The following PRR23C variants were observed in gnomAD, a reference collection of about 807,000 sequenced individuals.
PRR23C encodes the protein proline rich 23C.
PRR23C carries 1 observed loss-of-function variant against 0.1 expected under a neutral mutation model. The observed-to-expected ratio is 6.80, with a 90% CI of 2.41 to 32.24. The LOEUF is 32.24. Among genes scored for constraint, PRR23C ranks in the 30% most tolerant of loss-of-function variants. The pLI, the probability that PRR23C is intolerant of heterozygous loss-of-function variation, is 0.11. For synonymous variants in PRR23C, 172 were observed against 168.1 expected, an observed-to-expected ratio of 1.02 and a Z score of -0.18; for missense variants, 361 against 370.4, an observed-to-expected ratio of 0.97 and a Z score of 0.21.
At position 139,044,275 on chromosome 3, in the gene PRR23C, C is replaced by T. The variant is rs780916994; in HGVS notation, c.346G>A (p.Gly116Ser). ...SSVDECSGAQ[G>S]DWSAGLEVDV... ...ACTTCCAGGCCGGCAGACCAGTCGC[C>T]CTGCGCTCCTGAGCATTCGTCGACG... is the stretch of plus-strand genomic sequence containing the variant. The change falls in exon 1 of 1, where the codon GGC becomes AGC. Residue 116 changes from glycine (G) to serine (S), a missense_variant. Coordinates refer to ENST00000413199, the MANE Select transcript of PRR23C (RefSeq NM_001134657.1). This position sits in a 1 kb window ranked among gnomAD's most constrained non-coding sequence, Gnocchi z 7.5. 20 of 1,608,712 alleles carry T rather than the reference C, an allele frequency of 1.2e-5. No individual in the cohort carries two copies. In the Middle Eastern group the frequency reaches 4.9e-4, roughly 40 times the overall value.
chr3:139,044,025 G>T lies in PRR23C; in HGVS notation c.596C>A (p.Ala199Asp), dbSNP rs1342397307. ...CTCTGAACTGGGGTTGGGGGCCAGA[G>T]CACAGGGCCCTCGGATGGGGCCCTC... ...YREGPIRGPCALAPNPSSERR... is the reference protein window; with the variant it reads ...YREGPIRGPCDLAPNPSSERR... The change falls in exon 1 of 1, where the codon GCT becomes GAT. Residue 199 changes from alanine to aspartate, a missense_variant. Physicochemically the swap from Ala to Asp is moderately radical, Grantham distance 126. Transcript: ENST00000413199. This position sits in a 1 kb window ranked among gnomAD's most constrained non-coding sequence, Gnocchi z 7.5. 5.6e-6 allele frequency: 9 copies of T among 1,613,388 alleles called. No individual in the cohort carries two copies. The highest frequency in any genetic ancestry group is 7.6e-6 in the Non-Finnish European group (9 of 1,179,692).
rs761790187 is a variant in PRR23C, at chr3:139,042,689, A to T, written c.*1143T>A. The T allele has an allele frequency of 2.7e-5, 4 of 149,696 alleles. No individual in the cohort carries two copies. Among genetic ancestry groups the T allele is most frequent in the Non-Finnish European group, 4.5e-5 (3 of 67,284 alleles). 9.3% of individuals were successfully genotyped at this position (149,696 alleles called of 1,614,324 possible). On this transcript the variant is annotated 3_prime_UTR_variant, in exon 1 of 1. Transcript: ENST00000413199. ...TTTTTATCAATCAATCAATCAATCA[A>T]TTGAGAATCTACACATACACCATTA... is the stretch of plus-strand genomic sequence containing the variant.
Position 139,043,761 on chromosome 3 carries a change from A to G in PRR23C, c.*71T>C. On this transcript the variant is annotated 3_prime_UTR_variant, in exon 1 of 1. Coordinates refer to ENST00000413199, the MANE Select transcript of PRR23C (RefSeq NM_001134657.1). ...CCGAGATCCTTGTAGGTTGCGCAACATACACACAACGGCTATCAGGAGACG... is the reference window on the plus strand; with the variant it reads ...CCGAGATCCTTGTAGGTTGCGCAACGTACACACAACGGCTATCAGGAGACG... 1 of 1,359,320 alleles carries G rather than the reference A, an allele frequency of 7.4e-7. No individual in the cohort carries two copies. Among genetic ancestry groups the G allele is most frequent in the Non-Finnish European group, 9.9e-7 (1 of 1,013,078 alleles). 84.2% of individuals were successfully genotyped at this position (1,359,320 alleles called of 1,614,324 possible). A position where few individuals can be genotyped will look rare whatever the true frequency, so the allele number is the denominator to read the frequency against.
chr3:139,044,749 C>T lies in PRR23C; in HGVS notation c.-129G>A, dbSNP rs1394853951. 3 of 1,095,308 alleles carry T rather than the reference C, an allele frequency of 2.7e-6. No individual in the cohort carries two copies. The Admixed American group carries it at 1.1e-4, about 42-fold the overall frequency. The allele number at this position is 1,095,308 out of a possible 1,614,324, so 67.8% of individuals were successfully genotyped here. A position where few individuals can be genotyped will look rare whatever the true frequency, so the allele number is the denominator to read the frequency against. On this transcript the variant is annotated 5_prime_UTR_variant, in exon 1 of 1. Coordinates refer to ENST00000413199, the MANE Select transcript of PRR23C (RefSeq NM_001134657.1). This position sits in a 1 kb window ranked among gnomAD's most constrained non-coding sequence, Gnocchi z 7.5. ...GACCGCGCGACGCGGGGCGAGTCCT[C>T]GGAGCTCTGGGGGCGCCTCCCGGAG...
At position 139,044,462 on chromosome 3, in the gene PRR23C, G is replaced by C; in HGVS notation, c.159C>G (p.Ala53=). 1 of 1,542,120 alleles carries C rather than the reference G, an allele frequency of 6.5e-7. No individual in the cohort carries two copies. The highest frequency in any genetic ancestry group is 8.7e-7 in the Non-Finnish European group (1 of 1,144,164). ...PSPEDPAGTP[A]VDALTSMVVL... ...CCACCATGGAGGTGAGCGCGTCCAC[G>C]GCCGGGGTCCCCGCCGGGTCTTCCG... is the stretch of plus-strand genomic sequence containing the variant. Residue 53 remains alanine, a synonymous_variant, in exon 1 of 1, where the codon GCC becomes GCG. Transcript: ENST00000413199. This position sits in a 1 kb window ranked among gnomAD's most constrained non-coding sequence, Gnocchi z 7.5.
Position 139,043,915 on chromosome 3 carries a change from A to T in PRR23C, c.706T>A (p.Ser236Thr), listed in dbSNP as rs532131318. Residue 236 changes from serine to threonine, a missense_variant, in exon 1 of 1, where the codon TCT (serine) becomes ACT (threonine). Physicochemically the swap from Ser to Thr is moderately conservative, Grantham distance 58. Transcript: ENST00000413199. The stretch of plus-strand genomic sequence containing the variant: ...CGCGCGTGGGGACCTGGACTCGGAG[A>T]GGGAGGTAGAGGTTGGAGAGGTGAG... ...PSSPLQPLPPSPSPGPHARPE... is the reference protein window; with the variant it reads ...PSSPLQPLPPTPSPGPHARPE... 6.3e-7 allele frequency: 1 copy of T among 1,597,088 alleles called. No homozygotes were observed. Among genetic ancestry groups the T allele is most frequent in the East Asian group, 2.3e-5 (1 of 43,816 alleles).
Position 139,044,764 on chromosome 3 carries a change from GC to G in PRR23C, c.-145del. 1 of 893,386 alleles carries G rather than the reference GC, an allele frequency of 1.1e-6. No individual in the cohort carries two copies. The highest frequency in any genetic ancestry group is 1.6e-6 in the Non-Finnish European group (1 of 643,990). 55.3% of individuals were successfully genotyped at this position (893,386 alleles called of 1,614,324 possible). On this transcript the variant is annotated 5_prime_UTR_variant, in exon 1 of 1. Transcript: ENST00000413199. This position sits in a 1 kb window ranked among gnomAD's most constrained non-coding sequence, Gnocchi z 7.5. ...GGCGAGTCCTCGGAGCTCTGGGGGC[GC>G]CTCCCGGAGATCGGAGTCGGTGCTG...
In PRR23C at chr3:139,044,721, C is replaced by T; in HGVS notation, c.-101G>A. 7.6e-7 allele frequency: 1 copy of T among 1,308,772 alleles called. No homozygotes were observed. The highest frequency in any genetic ancestry group is 1.0e-6 in the Non-Finnish European group (1 of 996,154). 81.1% of individuals were successfully genotyped at this position (1,308,772 alleles called of 1,614,324 possible). A position where few individuals can be genotyped will look rare whatever the true frequency, so the allele number is the denominator to read the frequency against. On this transcript the variant is annotated 5_prime_UTR_variant, in exon 1 of 1. Transcript: ENST00000413199. The surrounding 1 kb of genome is among the most constrained non-coding windows in gnomAD (Gnocchi z 7.5). ...TCCTCTTTGAGGTAACAGGTGTCGG[C>T]AGGACCGCGCGACGCGGGGCGAGTC...
rs193268191 is a variant in PRR23C at position 139,043,308 on chromosome 3, C to T, written c.*524G>A. ...CAAACAACAAACATTTGTCCAGGTA[C>T]AACTATGTGCAAGATCACCCAAAAG... is the stretch of plus-strand genomic sequence containing the variant. On this transcript the variant is annotated 3_prime_UTR_variant, in exon 1 of 1. Transcript: ENST00000413199. 6.5e-6 allele frequency: 1 copy of T among 153,392 alleles called. No individual in the cohort carries two copies. The highest frequency in any genetic ancestry group is 1.9e-4 in the East Asian group (1 of 5,180). The allele number at this position is 153,392 out of a possible 1,614,324, so 9.5% of individuals were successfully genotyped here.
rs1937164684 is a variant in PRR23C, at chr3:139,043,705, A to G, written c.*127T>C. On this transcript the variant is annotated 3_prime_UTR_variant, in exon 1 of 1. Transcript: ENST00000413199. The stretch of plus-strand genomic sequence containing the variant: ...TCCAGAATTCTGCAACGCAGCCTGT[A>G]TCAAAAAAGCATCTATCCGTTATCC... 1.2e-6 allele frequency: 1 copy of G among 866,222 alleles called. No individual in the cohort carries two copies. Among genetic ancestry groups the G allele is most frequent in the Non-Finnish European group, 1.7e-6 (1 of 587,146 alleles). The allele number at this position is 866,222 out of a possible 1,614,324, so 53.7% of individuals were successfully genotyped here. A position where few individuals can be genotyped will look rare whatever the true frequency, so the allele number is the denominator to read the frequency against.
rs1310643418 is a variant in PRR23C, at chr3:139,043,011, T to G, written c.*821A>C. The G allele has an allele frequency of 6.6e-6, 1 of 152,360 alleles. No homozygotes were observed. The allele number at this position is 152,360 out of a possible 1,614,324, so 9.4% of individuals were successfully genotyped here. On this transcript the variant is annotated 3_prime_UTR_variant, in exon 1 of 1. Transcript: ENST00000413199. ...TTGCAGTGAGCTGAGATTGTGCCAT[T>G]GCACTCCAGCCTAGGCAACAAGAGT...
At position 139,042,842 on chromosome 3, in the gene PRR23C, G is replaced by C. The variant is rs921283778; in HGVS notation, c.*990C>G. The C allele has an allele frequency of 2.6e-5, 4 of 152,266 alleles. No homozygotes were observed. Among genetic ancestry groups the C allele is most frequent in the Non-Finnish European group, 4.4e-5 (3 of 68,064 alleles). 9.4% of individuals were successfully genotyped at this position (152,266 alleles called of 1,614,324 possible). A position where few individuals can be genotyped will look rare whatever the true frequency, so the allele number is the denominator to read the frequency against. On this transcript the variant is annotated 3_prime_UTR_variant, in exon 1 of 1. Transcript: ENST00000413199. Reference sequence around the variant, plus strand: ...AGGTGGATGGATCACCTGAAGTCAGGAGTTCGAGACCAGCCTGGCCAACAT... The same window carrying C: ...AGGTGGATGGATCACCTGAAGTCAGCAGTTCGAGACCAGCCTGGCCAACAT...
In PRR23C at chr3:139,043,674, C is replaced by G. The variant is rs1937164327; in HGVS notation, c.*158G>C. On this transcript the variant is annotated 3_prime_UTR_variant, in exon 1 of 1. Transcript: ENST00000413199. ...TTTTTTCCAGACTTTCTAAGTCAGC[C>G]ACTGATCCAGAATTCTGCAACGCAG... 1.6e-6 allele frequency: 1 copy of G among 637,086 alleles called. No homozygotes were observed. 39.5% of individuals were successfully genotyped at this position (637,086 alleles called of 1,614,324 possible).
At position 139,043,584 on chromosome 3, in the gene PRR23C, A is replaced by G. The variant is rs1937163461; in HGVS notation, c.*248T>C. ...CAAACAAAACAGGCCCGAAGCAGCA[A>G]TCTCACAGTCTGAAAGTAGACTGTA... is the stretch of plus-strand genomic sequence containing the variant. On this transcript the variant is annotated 3_prime_UTR_variant, in exon 1 of 1. Coordinates refer to ENST00000413199, the MANE Select transcript of PRR23C (RefSeq NM_001134657.1). The G allele has an allele frequency of 5.1e-6, 2 of 388,856 alleles. No homozygotes were observed. Among genetic ancestry groups the G allele is most frequent in the Non-Finnish European group, 9.1e-6 (2 of 219,360 alleles). The allele number at this position is 388,856 out of a possible 1,614,324, so 24.1% of individuals were successfully genotyped here. A position where few individuals can be genotyped will look rare whatever the true frequency, so the allele number is the denominator to read the frequency against.
rs867235048 is a variant in PRR23C at position 139,044,144 on chromosome 3, C to T, written c.477G>A (p.Ala159=). ...TCCAGAGCTCCGGGAACTCAGAGTC[C>T]GCGTCCTCCTCGTAGGCCTCTTCCT... ...AAEEEAYEED[A]DSEFPELWMD... is the part of the protein sequence containing the mutation. The change falls in exon 1 of 1, where the codon GCG becomes GCA. Residue 159 remains alanine (A), a synonymous_variant. Transcript: ENST00000413199. The surrounding 1 kb of genome is among the most constrained non-coding windows in gnomAD (Gnocchi z 7.5). 3.7e-6 allele frequency: 6 copies of T among 1,612,932 alleles called. No homozygotes were observed. The highest frequency in any genetic ancestry group is 1.3e-5 in the African/African-American group (1 of 74,916).
chr3:139,043,899 G>A lies in PRR23C; in HGVS notation c.722C>T (p.Pro241Leu), dbSNP rs777676192. ...CTCTGGGAGCTCCGGGCGCGCGTGG[G>A]GACCTGGACTCGGAGAGGGAGGTAG... ...QPLPPSPSPG[P>L]HARPELPERP... Residue 241 changes from proline to leucine, a missense_variant, in exon 1 of 1, where the codon CCC becomes CTC. By Grantham distance (98) the Pro-to-Leu change is moderately conservative. Coordinates refer to ENST00000413199, the MANE Select transcript of PRR23C (RefSeq NM_001134657.1). 3.8e-5 allele frequency: 61 copies of A among 1,587,472 alleles called. No individual in the cohort carries two copies. Among genetic ancestry groups the A allele is most frequent in the African/African-American group, 6.7e-5 (5 of 74,190 alleles).
rs1004820180 is a variant in PRR23C, at chr3:139,043,202, C to A, written c.*630G>T. On this transcript the variant is annotated 3_prime_UTR_variant, in exon 1 of 1. Transcript: ENST00000413199. Reference sequence around the variant, plus strand: ...CTAAGAGTTAGGGGGGAAATAAAGCCCAATAACATAAACAATTTGCTAAAC... The same window carrying A: ...CTAAGAGTTAGGGGGGAAATAAAGCACAATAACATAAACAATTTGCTAAAC... 3.3e-5 allele frequency: 5 copies of A among 151,832 alleles called. No homozygotes were observed. The highest frequency in any genetic ancestry group is 1.2e-4 in the African/African-American group (5 of 41,324). The allele number at this position is 151,832 out of a possible 1,614,324, so 9.4% of individuals were successfully genotyped here. A position where few individuals can be genotyped will look rare whatever the true frequency, so the allele number is the denominator to read the frequency against.
In PRR23C at chr3:139,043,898, G is replaced by A; in HGVS notation, c.723C>T (p.Pro241=). The A allele has an allele frequency of 6.3e-7, 1 of 1,586,788 alleles. No individual in the cohort carries two copies. The highest frequency in any genetic ancestry group is 8.6e-7 in the Non-Finnish European group (1 of 1,166,976). The change falls in exon 1 of 1, where the codon CCC becomes CCT. Residue 241 remains proline (P), a synonymous_variant. Transcript: ENST00000413199. ...QPLPPSPSPG[P]HARPELPERP... ...GCTCTGGGAGCTCCGGGCGCGCGTG[G>A]GGACCTGGACTCGGAGAGGGAGGTA...
rs1022579047 is a variant in PRR23C, at chr3:139,042,480, ATG to A, written c.*1350_*1351del. 2 of 152,228 alleles carry A rather than the reference ATG, an allele frequency of 1.3e-5. No individual in the cohort carries two copies. Among genetic ancestry groups the A allele is most frequent in the Non-Finnish European group, 2.9e-5 (2 of 68,038 alleles). 9.4% of individuals were successfully genotyped at this position (152,228 alleles called of 1,614,324 possible). ...ATAGATTAAGGGTTATCTAACAACC[ATG>A]TAAAGATCATACTTTATGGTAAAAT... On this transcript the variant is annotated 3_prime_UTR_variant, in exon 1 of 1. Coordinates refer to ENST00000413199, the MANE Select transcript of PRR23C (RefSeq NM_001134657.1).
Sources: allele counts gnomAD v4.1 joint callset, GRCh38; gene constraint gnomAD v4.1.1; non-coding constraint Gnocchi (gnomAD v3.1); transcripts MANE v1.5; gene names NCBI Gene and HGNC (gene_info 2026-07-23, HGNC 2026-07-21).